The following TMEM126B variants were observed in gnomAD, a reference collection of about 807,000 sequenced individuals.
TMEM126B encodes the protein transmembrane protein 126B.
In TMEM126B, 19 loss-of-function variants were observed where a neutral mutation model predicts 16.5. The ratio of observed to expected loss-of-function variants is 1.15; its 90% CI spans 0.80 to 1.69. TMEM126B has a LOEUF of 1.69. TMEM126B is among the 40% of genes most tolerant of loss of function. TMEM126B has a pLI of 0.00. For missense variants in TMEM126B, 293 were observed against 278.7 expected (o/e 1.05, Z -0.37); for synonymous variants, 104 against 93.2 (o/e 1.12, Z -0.67).
Position 85,634,181 on chromosome 11 carries a change from A to T in TMEM126B, c.299A>T (p.Lys100Ile), listed in dbSNP as rs2082356644. Residue 100 changes from lysine to isoleucine, a missense_variant, in exon 3 of 5, where the codon AAA (lysine) becomes ATA (isoleucine). Physicochemically the swap from Lys to Ile is moderately radical, Grantham distance 102. Coordinates refer to ENST00000358867, the MANE Select transcript of TMEM126B (RefSeq NM_018480.7). Reference sequence around the variant, plus strand: ...CTGTTCAGACGCTGCTTCAAGGTTAAACATGATGCTTTGAAGACATATGCA... The same window carrying T: ...CTGTTCAGACGCTGCTTCAAGGTTATACATGATGCTTTGAAGACATATGCA... ...NFLFRRCFKV[K>I]HDALKTYASL... 1.2e-6 allele frequency: 2 copies of T among 1,613,638 alleles called. No individual in the cohort carries two copies. Among genetic ancestry groups the T allele is most frequent in the Non-Finnish European group, 1.7e-6 (2 of 1,179,792 alleles).
chr11:85,630,075 C>G (rs994203382), intron 1 of TMEM126B, among the ~76,000 whole-genome samples: 1 of 152,206 alleles, frequency 6.6e-6, no homozygotes, highest in African/African-American at 2.4e-5. Flanking sequence ...ACATACCGCT[C>G]ATTCAGCAAA....
At chr11:85,631,609 T>G in intron 1 of TMEM126B, 78 bp from the exon 2 acceptor site, 1 of 1,490,278 alleles carries the variant, frequency 6.7e-7, no homozygotes, top group Non-Finnish European at 9.1e-7. Flanking sequence ...TTTTCAAATC[T>G]GAATCTGTAG....
At chr11:85,631,877 A>C (rs757959963) in intron 2 of TMEM126B, 69 bp downstream of exon 2, 146 of 1,473,318 alleles carry the variant, frequency 9.9e-5, no homozygotes, top group Non-Finnish European at 1.3e-4. Context: ...CATTGTTTCT[A>C]AGATCCTATT....
intron 1 of TMEM126B, among the ~76,000 whole-genome samples, chr11:85,629,469 GCACT>G (rs1319025799): frequency 1.3e-5 from 2 of 152,142 alleles, no homozygotes; most frequent in African/African-American, 4.8e-5. Flanking sequence ...CAAAGCTTAA[GCACT>G]CAAATATTTC....
rs764668853 is a variant in TMEM126B, at chr11:85,634,061, C to G, written c.204-25C>G. 2.5e-6 allele frequency: 4 copies of G among 1,571,478 alleles called. No homozygotes were observed. The African/African-American group carries it at 4.5e-5, about 18-fold the overall frequency. On this transcript the variant is annotated intron_variant, in intron 2 of 4. Coordinates refer to ENST00000358867, the MANE Select transcript of TMEM126B (RefSeq NM_018480.7). ...CCATTAAGTTCAATGGTATAGTGAACTGAATTTTTCTTTTTTTCTATTAGG... is the reference window on the plus strand; with the variant it reads ...CCATTAAGTTCAATGGTATAGTGAAGTGAATTTTTCTTTTTTTCTATTAGG...
intron 2 of TMEM126B, among the ~76,000 whole-genome samples, chr11:85,633,184 T>G (rs1412553679): frequency 5.3e-5 from 8 of 152,230 alleles, no homozygotes; most frequent in African/African-American, 1.4e-4. Context: ...TGCCACATTT[T>G]CTTAATCCAG....
Position 85,634,149 on chromosome 11 carries a change from A to C in TMEM126B, c.267A>C (p.Ser89=). Residue 89 remains serine (S), a synonymous_variant, in exon 3 of 5, where the codon TCA becomes TCC. Transcript: ENST00000358867. The part of the protein sequence containing the change: ...GTTAGFSGIF[S]NFLFRRCFKV... ...CAGCTGGTTTCTCTGGAATATTCTC[A>C]AACTTCCTGTTCAGACGCTGCTTCA... 1 of 1,613,782 alleles carries C rather than the reference A, an allele frequency of 6.2e-7. No individual in the cohort carries two copies. Among genetic ancestry groups the C allele is most frequent in the Non-Finnish European group, 8.5e-7 (1 of 1,179,884 alleles).
chr11:85,635,821 CTTTTTT>C (rs58671332), intron 4 of TMEM126B, 43 bp downstream of exon 4: 9 of 869,728 alleles, frequency 1.0e-5, no homozygotes, highest in African/African-American at 2.1e-5. Flanking sequence ...CTTTTCTTTT[CTTTTTT>C]TTTTTTTTTT....
intron 3 of TMEM126B, 103 bp downstream of exon 3, chr11:85,634,382 A>G (rs1565793090): frequency 9.7e-6 from 8 of 828,456 alleles, no homozygotes; most frequent in Non-Finnish European, 1.5e-5. Flanking sequence ...ACATTTATAT[A>G]TTGCTATACA....
In TMEM126B at chr11:85,628,663, C is replaced by G; in HGVS notation, c.56C>G (p.Pro19Arg). Residue 19 changes from proline to arginine, a missense_variant, in exon 1 of 5, where the codon CCG becomes CGG. Coordinates refer to ENST00000358867, the MANE Select transcript of TMEM126B (RefSeq NM_018480.7). ...AAGCCAAGGGATTCAGGTGTGGTGC[C>G]GGTGGGAACTGAGGAAGCGCCCAAG... ...GTKPRDSGVV[P>R]VGTEEAPKVF... The G allele has an allele frequency of 6.5e-7, 1 of 1,536,112 alleles. No individual in the cohort carries two copies. Among genetic ancestry groups the G allele is most frequent in the South Asian group, 1.2e-5 (1 of 84,060 alleles).
intron 2 of TMEM126B, 25 bp downstream of exon 2, chr11:85,631,833 A>C (rs530536615): frequency 5.1e-6 from 8 of 1,578,900 alleles, no homozygotes; most frequent in Admixed American, 1.9e-5. Flanking sequence ...CAGGCTGAAA[A>C]TCAGTCATTT....
At chr11:85,628,810 C>G (rs2082154953) in intron 1 of TMEM126B, 122 bp downstream of exon 1, 2 of 973,262 alleles carry the variant, frequency 2.1e-6, no homozygotes, top group African/African-American at 1.6e-5. Flanking sequence ...CAAGTCCATG[C>G]AAGGAGCAGT....
intron 2 of TMEM126B, 40 bp from the exon 3 acceptor site, chr11:85,634,046 C>A: frequency 6.9e-7 from 1 of 1,454,966 alleles, no homozygotes. Context: ...CCATTAAGTT[C>A]AATGGTATAG....
intron 1 of TMEM126B, 69 bp from the exon 2 acceptor site, chr11:85,631,618 A>G: frequency 6.6e-7 from 1 of 1,512,580 alleles, no homozygotes; most frequent in Non-Finnish European, 8.9e-7. Flanking sequence ...CTGAATCTGT[A>G]GAATTCTGTA....
At position 85,635,782 on chromosome 11, in the gene TMEM126B, A is replaced by G. The variant is rs866763770; in HGVS notation, c.509+4A>G. 2 of 1,520,820 alleles carry G rather than the reference A, an allele frequency of 1.3e-6. No individual in the cohort carries two copies. Among genetic ancestry groups the G allele is most frequent in the Non-Finnish European group, 1.8e-6 (2 of 1,141,232 alleles). The allele number at this position is 1,520,820 out of a possible 1,614,324, so 94.2% of individuals were successfully genotyped here. On this transcript the variant is annotated splice_donor_region_variant and intron_variant, in intron 4 of 4. Coordinates refer to ENST00000358867, the MANE Select transcript of TMEM126B (RefSeq NM_018480.7). Reference sequence around the variant, plus strand: ...AAAATGGACGCCTGGCAACCAAGTAAGTTCTTCCTTTTCCTTCTTTTTTCT... The same window carrying G: ...AAAATGGACGCCTGGCAACCAAGTAGGTTCTTCCTTTTCCTTCTTTTTTCT...
At chr11:85,630,033 T>C (rs2082251818) in intron 1 of TMEM126B, among the ~76,000 whole-genome samples, 1 of 152,192 alleles carries the variant, frequency 6.6e-6, no homozygotes, top group Non-Finnish European at 1.5e-5. Flanking sequence ...GAACTGTGTA[T>C]AATGAACTGG....
chr11:85,636,219 A>C lies in TMEM126B; in HGVS notation c.683A>C (p.His228Pro). The change falls in exon 5 of 5, where the codon CAT becomes CCT. Residue 228 changes from histidine (H) to proline (P), a missense_variant. By Grantham distance (77) the His-to-Pro change is moderately conservative (BLOSUM62 -2). Coordinates refer to ENST00000358867, the MANE Select transcript of TMEM126B (RefSeq NM_018480.7). ...GAAGAGACACTTGAGAAAACTATACATGAAGAGTAACCAAAAAAATGAATG... is the reference window on the plus strand; with the variant it reads ...GAAGAGACACTTGAGAAAACTATACCTGAAGAGTAACCAAAAAAATGAATG... ...VFEETLEKTI[H>P]EE 1 of 1,513,266 alleles carries C rather than the reference A, an allele frequency of 6.6e-7. No homozygotes were observed. The highest frequency in any genetic ancestry group is 8.8e-7 in the Non-Finnish European group (1 of 1,131,460). The allele number at this position is 1,513,266 out of a possible 1,614,324, so 93.7% of individuals were successfully genotyped here.
intron 1 of TMEM126B, chr11:85,629,059 G>C (rs1317161649): frequency 2.0e-6 from 1 of 501,150 alleles, no homozygotes; most frequent in African/African-American, 2.0e-5. Flanking sequence ...CCTCTGGCTA[G>C]ATTGTTTGCT....
chr11:85,631,720 C>G lies in TMEM126B; in HGVS notation c.115C>G (p.Pro39Ala). The G allele has an allele frequency of 6.2e-7, 1 of 1,613,358 alleles. No homozygotes were observed. The highest frequency in any genetic ancestry group is 1.1e-5 in the South Asian group (1 of 90,968). ...FKMAASMHGQ[P>A]SPSLEDAKLR... ...GATGGCAGCATCTATGCATGGTCAGCCCAGTCCTTCTCTAGAAGATGCAAA... is the reference window on the plus strand; with the variant it reads ...GATGGCAGCATCTATGCATGGTCAGGCCAGTCCTTCTCTAGAAGATGCAAA... Residue 39 changes from proline to alanine, a missense_variant, in exon 2 of 5, where the codon CCC (proline) becomes GCC (alanine). Pro to Ala is a conservative substitution (Grantham distance 27). Transcript: ENST00000358867.
Sources: allele counts gnomAD v4.1 joint callset (sites outside exome capture counted in the v4.1 genomes callset), GRCh38; gene constraint gnomAD v4.1.1; transcripts MANE v1.5; gene names NCBI Gene and HGNC (gene_info 2026-07-23, HGNC 2026-07-21).